Variants in TNRC6A observed in about 807,000 individuals in gnomAD.
TNRC6A encodes trinucleotide repeat containing adaptor 6A, also known as trinucleotide repeat-containing gene 6A protein.
A neutral mutation model predicts 221.2 loss-of-function variants in TNRC6A; 44 were observed. The ratio of observed to expected loss-of-function variants is 0.20; its 90% confidence interval spans 0.16 to 0.26. The LOEUF (loss-of-function observed/expected upper bound fraction) is 0.26, where lower values mean the gene tolerates loss of function less well. Among genes scored for constraint, TNRC6A ranks in the 10% least tolerant of loss-of-function variants. The probability of loss-of-function intolerance (pLI) is 1.00; values close to 1 mark genes in which losing one functional copy is unlikely to be tolerated. For missense variants in TNRC6A, 2,199 were observed against 2,404.4 expected (o/e 0.91, Z 1.79); for synonymous variants, 847 against 838.5 (o/e 1.01, Z -0.18).
Position 24,666,471 on chromosome 16 carries a change from C to CAAA in TNRC6A, n.402+25479_402+25481dup, listed in dbSNP as rs765727823. 3.0e-3 allele frequency among the ~76,000 whole-genome samples: 255 copies of CAAA among 83,898 alleles called. 2 individuals are homozygous for CAAA. The highest frequency in any genetic ancestry group is 0.011 in the African/African-American group (236 of 20,998). The allele number at this position is 83,898 out of a possible 152,430, so 55.0% of individuals were successfully genotyped here. Reference sequence around the variant, plus strand: ...CTGGGAACAGAGCAAGACTCCGTCTCAAAAAAAAAAAAAAAAAAATTAGAT... The same window carrying CAAA: ...CTGGGAACAGAGCAAGACTCCGTCTCAAAAAAAAAAAAAAAAAAAAAATTAGAT... On this transcript the variant is annotated intron_variant and non_coding_transcript_variant, in intron 2 of 2. Transcript: ENST00000566108.
chr16:24,683,113 T>A (rs1335156668), intron 2 of TNRC6A, among the ~76,000 whole-genome samples: 1 of 152,076 alleles, frequency 6.6e-6, no homozygotes, highest in Non-Finnish European at 1.5e-5. Context: ...CAAACTCTTA[T>A]CAGATACTGG....
chr16:24,769,558 C>A (rs1365639566), intron 4 of TNRC6A, among the ~76,000 whole-genome samples: 1 of 150,650 alleles, frequency 6.6e-6, no homozygotes, highest in African/African-American at 2.4e-5. Context: ...CCATTAAAAT[C>A]TTTTTTGATA....
rs1555499089 is a variant in TNRC6A at position 24,750,771 on chromosome 16, G to C, written c.99G>C (p.Lys33Asn). 2 of 1,565,396 alleles carry C rather than the reference G, an allele frequency of 1.3e-6. No individual in the cohort carries two copies. Among genetic ancestry groups the C allele is most frequent in the Non-Finnish European group, 1.7e-6 (2 of 1,158,556 alleles). ...AACAGTTGATGGAAGAAAAGAAAAA[G>C]AAAAAAGACGACAAGAAAAAGAAGG... Reference protein sequence around the residue: ...EEEQLMEEKKKKKDDKKKKEA... With the variant: ...EEEQLMEEKKNKKDDKKKKEA... The change falls in exon 3 of 25, where the codon AAG becomes AAC. Residue 33 changes from lysine to asparagine, a missense_variant. By Grantham distance (94) the Lys-to-Asn change is moderately conservative. Coordinates refer to ENST00000395799, the MANE Select transcript of TNRC6A (RefSeq NM_014494.4).
chr16:24,794,359 T>C (rs1198365048), intron 7 of TNRC6A, among the ~76,000 whole-genome samples, 185 bp from the exon 8 acceptor site: 1 of 152,222 alleles, frequency 6.6e-6, no homozygotes, highest in Admixed American at 6.5e-5. Flanking sequence ...GAATATATTA[T>C]TTTTCATGGA....
chr16:24,716,787 G>C (rs73548925), intron 2 of TNRC6A, among the ~76,000 whole-genome samples: 9,002 of 151,552 alleles, frequency 0.059, 754 homozygotes, highest in East Asian at 0.35. Flanking sequence ...GTGAAACCCC[G>C]TCTCTACGAA....
intron 15 of TNRC6A, 79 bp from the exon 16 acceptor site, chr16:24,806,127 T>C: frequency 6.5e-7 from 1 of 1,528,736 alleles, no homozygotes. Context: ...CCTCTGTAGG[T>C]CCATCTGCTG....
intron 2 of TNRC6A, among the ~76,000 whole-genome samples, chr16:24,654,503 G>A (rs1235381254): frequency 1.3e-5 from 2 of 151,786 alleles, no homozygotes; most frequent in African/African-American, 2.4e-5. Context: ...TCAGGAATTC[G>A]AGACCAGTCT....
intron 5 of TNRC6A, among the ~76,000 whole-genome samples, chr16:24,779,392 T>A (rs2057792286): frequency 2.0e-5 from 3 of 152,178 alleles, no homozygotes; most frequent in Non-Finnish European, 4.4e-5. Context: ...TTAAAAAATT[T>A]ATGAATCCCC....
intron 17 of TNRC6A, among the ~76,000 whole-genome samples, chr16:24,807,595 A>G (rs4788432): frequency 0.11 from 17,089 of 151,952 alleles, 1,351 homozygotes; most frequent in Admixed American, 0.2. Context: ...TTAAAAATGG[A>G]GGTAAGAAAG....
chr16:24,780,208 C>T, intron 5 of TNRC6A, among the ~76,000 whole-genome samples: 1 of 152,204 alleles, frequency 6.6e-6, no homozygotes, highest in South Asian at 2.1e-4. Context: ...CTCGTATACC[C>T]TCCACCCAAA....
At position 24,656,139 on chromosome 16, in the gene TNRC6A, C is replaced by T. The variant is rs71391574; in HGVS notation, n.402+15130C>T. Reference sequence around the variant, plus strand: ...CCAGGGTGACAGAACAAGACCTTGTCTCAAAAAAAAAAAAAAAGAAAAGAA... The same window carrying T: ...CCAGGGTGACAGAACAAGACCTTGTTTCAAAAAAAAAAAAAAAGAAAAGAA... On this transcript the variant is annotated intron_variant and non_coding_transcript_variant, in intron 2 of 2. Coordinates refer to the TNRC6A transcript ENST00000566108. Among the ~76,000 whole-genome samples the T allele has an allele frequency of 3.4e-5, 4 of 118,304 alleles. No homozygotes were observed. The East Asian group carries it at 9.1e-4, about 27-fold the overall frequency. The allele number at this position is 118,304 out of a possible 152,430, so 77.6% of individuals were successfully genotyped here. A position where few individuals can be genotyped will look rare whatever the true frequency, so the allele number is the denominator to read the frequency against.
intron 2 of TNRC6A, among the ~76,000 whole-genome samples, chr16:24,642,350 G>A (rs569920655): frequency 6.6e-6 from 1 of 152,316 alleles, no homozygotes; most frequent in East Asian, 1.9e-4. Context: ...GGCAGGGATT[G>A]AGTAGTGGTC....
chr16:24,703,717 A>C (rs1221571297), intron 2 of TNRC6A, among the ~76,000 whole-genome samples: 1 of 152,116 alleles, frequency 6.6e-6, no homozygotes, highest in Non-Finnish European at 1.5e-5. Flanking sequence ...TTTTGTGTGG[A>C]TATATGCTTT....
At chr16:24,616,584 CT>C (rs1395537184) in intron 1 of TNRC6A, among the ~76,000 whole-genome samples, 1 of 152,104 alleles carries the variant, frequency 6.6e-6, no homozygotes, top group Non-Finnish European at 1.5e-5. Flanking sequence ...TTAAGAGACT[CT>C]TTTTGACCCA....
chr16:24,695,248 A>G (rs1442697920), intron 2 of TNRC6A, among the ~76,000 whole-genome samples: 1 of 152,174 alleles, frequency 6.6e-6, no homozygotes, highest in African/African-American at 2.4e-5. Context: ...CTGTACTCCA[A>G]GGGTATCTGA....
At chr16:24,707,375 CACACAT>C (rs1186633699) in intron 2 of TNRC6A, among the ~76,000 whole-genome samples, 5 of 142,468 alleles carry the variant, frequency 3.5e-5, no homozygotes, top group Non-Finnish European at 6.0e-5. Flanking sequence ...CACACACACA[CACACAT>C]CTTAAATAAG....
intron 2 of TNRC6A, among the ~76,000 whole-genome samples, chr16:24,743,293 AACTT>A (rs1183405756): frequency 1.3e-5 from 2 of 152,142 alleles, no homozygotes; most frequent in African/African-American, 2.4e-5. Context: ...TAAACTCACT[AACTT>A]TCCTCAATCT....
intron 2 of TNRC6A, among the ~76,000 whole-genome samples, chr16:24,669,981 A>C: frequency 4.1e-5 from 1 of 24,482 alleles, no homozygotes; most frequent in African/African-American, 1.0e-4. Flanking sequence ...ACAGAGTCTC[A>C]CTCTGTCACC....
intron 2 of TNRC6A, among the ~76,000 whole-genome samples, chr16:24,733,414 A>G (rs968499931): frequency 6.6e-6 from 1 of 152,224 alleles, no homozygotes; most frequent in African/African-American, 2.4e-5. Context: ...GTTTACTATC[A>G]TAGGTAAACT....
Sources: gnomAD v4.1 joint callset for allele counts (sites outside exome capture counted in the v4.1 genomes callset) on GRCh38, gnomAD v4.1.1 for gene constraint, MANE v1.5 for transcripts, NCBI Gene and HGNC (gene_info 2026-07-23, HGNC 2026-07-21) for gene names.